The following PTPRQ variants were observed in gnomAD, a reference collection of about 807,000 sequenced individuals.
PTPRQ encodes phosphatidylinositol phosphatase PTPRQ.
PTPRQ carries 199 observed loss-of-function variants against 246.0 expected under a neutral mutation model. That is an observed-to-expected ratio of 0.81 (90% CI 0.72 to 0.91). PTPRQ has a LOEUF of 0.91. Ranked by LOEUF, PTPRQ falls within the 40% of genes least tolerant of loss-of-function variation. The pLI, the probability that PTPRQ is intolerant of heterozygous loss-of-function variation, is 0.00. For synonymous variants in PTPRQ, 869 were observed against 853.2 expected (o/e 1.02, Z -0.32); for missense variants, 2,624 against 2,528.4 (o/e 1.04, Z -0.81).
At chr12:80,542,419 C>T (rs1335460704) in intron 22 of PTPRQ, 55 bp downstream of exon 22, 3 of 1,502,902 alleles carry the variant, frequency 2.0e-6, no homozygotes, top group Non-Finnish European at 2.6e-6. Flanking sequence ...CGCCTGCTCT[C>T]TCTTTTTAAG....
intron 38 of PTPRQ, among the ~76,000 whole-genome samples, chr12:80,654,674 C>A (rs1265614662): frequency 1.4e-5 from 2 of 148,104 alleles, no homozygotes; most frequent in Non-Finnish European, 3.0e-5. Flanking sequence ...GTGGTGAAAC[C>A]CCATCTGTAC....
intron 26 of PTPRQ, among the ~76,000 whole-genome samples, chr12:80,600,936 C>G (rs1898121399): frequency 6.6e-6 from 1 of 151,782 alleles, no homozygotes; most frequent in Non-Finnish European, 1.5e-5. Flanking sequence ...TCACTGTGGT[C>G]CTTGTTATTC....
intron 25 of PTPRQ, among the ~76,000 whole-genome samples, chr12:80,553,589 A>T (rs1896550958): frequency 6.6e-6 from 1 of 152,058 alleles, no homozygotes; most frequent in African/African-American, 2.4e-5. Context: ...CCTTCCAGGG[A>T]TTATTGGGTA....
intron 25 of PTPRQ, among the ~76,000 whole-genome samples, chr12:80,556,300 A>G (rs189440209): frequency 1.3e-5 from 2 of 152,340 alleles, no homozygotes; most frequent in South Asian, 2.1e-4. Flanking sequence ...AAGTGCTGGG[A>G]TTACAGGCAT....
rs1592641801 is a variant in PTPRQ at position 80,549,526 on chromosome 12, A to G, written c.4077A>G (p.Lys1359=). The change falls in exon 25 of 45, where the codon AAA becomes AAG. Residue 1359 remains lysine (K), a synonymous_variant. Coordinates refer to ENST00000644991, the MANE Select transcript of PTPRQ (RefSeq NM_001145026.2). ...MATSWQSVLV[K]WDPPKKANGI... ...CTAGCTGGCAGTCAGTTTTAGTGAA[A>G]TGGGATCCACCCAAAAAGGCAAATG... The G allele has an allele frequency of 6.4e-7, 1 of 1,551,146 alleles. No homozygotes were observed. Among genetic ancestry groups the G allele is most frequent in the African/African-American group, 1.4e-5 (1 of 73,142 alleles).
intron 9 of PTPRQ, among the ~76,000 whole-genome samples, chr12:80,491,169 T>G (rs1894437462): frequency 6.6e-6 from 1 of 151,950 alleles, no homozygotes; most frequent in South Asian, 2.1e-4. Context: ...ATGCTTTAAC[T>G]CTCCATAATT....
chr12:80,631,671 C>T (rs1343214245), intron 33 of PTPRQ, among the ~76,000 whole-genome samples: 8 of 152,094 alleles, frequency 5.3e-5, no homozygotes, highest in Admixed American at 2.0e-4. Context: ...AAGATAGAGC[C>T]TACAGGATTT....
intron 3 of PTPRQ, among the ~76,000 whole-genome samples, chr12:80,452,735 G>A (rs150637357): frequency 3.9e-5 from 6 of 152,318 alleles, no homozygotes; most frequent in East Asian, 1.9e-4. Flanking sequence ...TGAGAGATCC[G>A]CTGTTAGTCT....
intron 3 of PTPRQ, among the ~76,000 whole-genome samples, chr12:80,452,565 T>C (rs1263018703): frequency 6.6e-6 from 1 of 152,230 alleles, no homozygotes; most frequent in African/African-American, 2.4e-5. Flanking sequence ...GGCCTGGTGG[T>C]GACAAAATCT....
At position 80,679,044 on chromosome 12, in the gene PTPRQ, A is replaced by C. The variant is rs752521848; in HGVS notation, c.*21A>C. On this transcript the variant is annotated 3_prime_UTR_variant, in exon 45 of 45. Transcript: ENST00000644991. ...TGTAAATATTCAGACCAAAGGATAC[A>C]ATTGGAAGAGATTTTTAAATCCCAG... The C allele has an allele frequency of 6.5e-7, 1 of 1,540,894 alleles. No individual in the cohort carries two copies. The highest frequency in any genetic ancestry group is 8.8e-7 in the Non-Finnish European group (1 of 1,142,670).
intron 17 of PTPRQ, among the ~76,000 whole-genome samples, chr12:80,519,550 C>T (rs536549900): frequency 5.9e-5 from 9 of 152,154 alleles, no homozygotes; most frequent in South Asian, 2.1e-4. Flanking sequence ...GAGGAGGGAT[C>T]GGGGTAGGAG....
intron 25 of PTPRQ, among the ~76,000 whole-genome samples, chr12:80,574,930 C>G (rs1377301585): frequency 6.6e-6 from 1 of 152,214 alleles, no homozygotes; most frequent in African/African-American, 2.4e-5. Flanking sequence ...TCTAACTCCT[C>G]TGTTTCCAAC....
chr12:80,575,391 G>A (rs1897254397), intron 25 of PTPRQ, among the ~76,000 whole-genome samples: 1 of 151,980 alleles, frequency 6.6e-6, no homozygotes, highest in East Asian at 1.9e-4. Flanking sequence ...TTTGAGAACA[G>A]CCTTGGCAAT....
At chr12:80,489,185 A>T (rs1894369988) in intron 9 of PTPRQ, among the ~76,000 whole-genome samples, 1 of 152,000 alleles carries the variant, frequency 6.6e-6, no homozygotes, top group Non-Finnish European at 1.5e-5. Context: ...TTTGAACTGA[A>T]ATACCTGTCT....
chr12:80,582,590 A>G (rs1445321624), intron 25 of PTPRQ, among the ~76,000 whole-genome samples: 1 of 152,196 alleles, frequency 6.6e-6, no homozygotes, highest in South Asian at 2.1e-4. Context: ...TGGAACCAGG[A>G]GGCTGGTTCT....
At position 80,619,518 on chromosome 12, in the gene PTPRQ, C is replaced by G. The variant is rs757974291; in HGVS notation, c.5365C>G (p.Gln1789Glu). 2.6e-6 allele frequency: 4 copies of G among 1,537,704 alleles called. No individual in the cohort carries two copies. The highest frequency in any genetic ancestry group is 1.8e-6 in the Non-Finnish European group (2 of 1,138,956). ...SDDHGPIKNV[Q>E]VLVTETGAQH... is the part of the protein sequence containing the mutation. ...TGATCATGGACCAATAAAAAATGTA[C>G]AAGTGCTTGTGACAGAAACAGGAGG... Residue 1789 changes from glutamine to glutamate, a missense_variant, in exon 31 of 45, where the codon CAA (glutamine) becomes GAA (glutamate). Physicochemically the swap from Gln to Glu is conservative, Grantham distance 29. Coordinates refer to ENST00000644991, the MANE Select transcript of PTPRQ (RefSeq NM_001145026.2).
chr12:80,491,181 G>T (rs371013653), intron 9 of PTPRQ, among the ~76,000 whole-genome samples: 3 of 151,928 alleles, frequency 2.0e-5, no homozygotes, highest in African/African-American at 4.8e-5. Flanking sequence ...TCCATAATTT[G>T]TCTGACATGG....
intron 39 of PTPRQ, among the ~76,000 whole-genome samples, chr12:80,662,807 G>C (rs1038609035): frequency 6.6e-6 from 1 of 151,938 alleles, no homozygotes; most frequent in Non-Finnish European, 1.5e-5. Context: ...GTATCACAGA[G>C]CTTTAAAAAC....
intron 41 of PTPRQ, 122 bp from the exon 42 acceptor site, chr12:80,670,222 T>G (rs1481414769): frequency 3.6e-6 from 5 of 1,373,380 alleles, no homozygotes; most frequent in Non-Finnish European, 4.9e-6. Context: ...TGAAAACATT[T>G]TATTTGGTTT....
Sources: gnomAD v4.1 joint callset for allele counts (sites outside exome capture counted in the v4.1 genomes callset) on GRCh38, gnomAD v4.1.1 for gene constraint, MANE v1.5 for transcripts, NCBI Gene and HGNC (gene_info 2026-07-23, HGNC 2026-07-21) for gene names.